RUBCNL: variants seen among roughly 807,000 people sequenced by gnomAD.
RUBCNL encodes the protein protein associated with UVRAG as autophagy enhancer.
In RUBCNL, 62 loss-of-function variants were observed where a neutral mutation model predicts 69.5. That is an observed-to-expected ratio of 0.89 (90% CI 0.73 to 1.10). The LOEUF is 1.10. RUBCNL is among the 50% of genes least tolerant of loss of function. The pLI, the probability that RUBCNL is intolerant of heterozygous loss-of-function variation, is 0.00. For missense variants in RUBCNL, 768 were observed against 798.1 expected (o/e 0.96, Z 0.45); for synonymous variants, 291 against 303.6 (o/e 0.96, Z 0.43).
intron 9 of RUBCNL, among the ~76,000 whole-genome samples, chr13:46,358,154 T>A (rs1405745629): frequency 1.3e-5 from 2 of 152,016 alleles, no homozygotes; most frequent in African/African-American, 4.8e-5. Flanking sequence ...AGACAGGGAG[T>A]TCTGCCCAAG....
upstream of RUBCNL, among the ~76,000 whole-genome samples, chr13:46,388,804 T>A (rs1450938235): frequency 6.6e-6 from 1 of 152,236 alleles, no homozygotes; most frequent in African/African-American, 2.4e-5. Flanking sequence ...ACTTGCCTGG[T>A]ACCTCTGGCA....
At chr13:46,360,438 A>G (rs1436718504) in intron 8 of RUBCNL, among the ~76,000 whole-genome samples, 2 of 152,222 alleles carry the variant, frequency 1.3e-5, no homozygotes, top group African/African-American at 4.8e-5. Context: ...TTATTTCCAT[A>G]AAGAACAACC....
chr13:46,343,786 C>T (rs2048185111), intron 14 of RUBCNL, among the ~76,000 whole-genome samples: 1 of 152,162 alleles, frequency 6.6e-6, no homozygotes, highest in African/African-American at 2.4e-5. Flanking sequence ...TCCCCAGCTG[C>T]CAAGAGAGGT....
chr13:46,373,604 CT>C (rs1479671859), intron 2 of RUBCNL, among the ~76,000 whole-genome samples: 2 of 152,322 alleles, frequency 1.3e-5, no homozygotes, highest in East Asian at 3.9e-4. Context: ...AAATGTTTTG[CT>C]TTTCTGTTCT....
intron 1 of RUBCNL, among the ~76,000 whole-genome samples, chr13:46,379,252 A>T (rs1263735195): frequency 2.0e-5 from 3 of 151,980 alleles, no homozygotes; most frequent in Non-Finnish European, 4.4e-5. Context: ...AATTTTTAGT[A>T]TTCTGTAGAG....
chr13:46,344,736 A>C lies in RUBCNL; in HGVS notation c.1876+5T>G. ...TTAAGCTTATGTTATTAAGTTATTA[A>C]ATACCTGAACATCTTCTACATGTTG... On this transcript the variant is annotated splice_donor_5th_base_variant and intron_variant, in intron 14 of 14. Transcript: ENST00000429979. 3 of 1,586,766 alleles carry C rather than the reference A, an allele frequency of 1.9e-6. No homozygotes were observed. The highest frequency in any genetic ancestry group is 2.6e-6 in the Non-Finnish European group (3 of 1,159,864).
intron 2 of RUBCNL, among the ~76,000 whole-genome samples, chr13:46,376,824 G>T (rs1014794707): frequency 4.6e-5 from 7 of 152,134 alleles, no homozygotes; most frequent in Non-Finnish European, 1.0e-4. Flanking sequence ...GGATCATACT[G>T]GAGATATTTT....
At chr13:46,376,340 A>T (rs2048994438) in intron 2 of RUBCNL, among the ~76,000 whole-genome samples, 1 of 152,142 alleles carries the variant, frequency 6.6e-6, no homozygotes, top group Non-Finnish European at 1.5e-5. Context: ...ATACCTTTGT[A>T]TATAACATAT....
rs1451953587 is a variant in RUBCNL at position 46,383,865 on chromosome 13, T to C, written c.-239+3269A>G. 2.0e-5 allele frequency among the ~76,000 whole-genome samples: 3 copies of C among 152,204 alleles called. No individual in the cohort carries two copies. The East Asian group carries it at 5.8e-4, about 29-fold the overall frequency. On this transcript the variant is annotated intron_variant, in intron 1 of 14. Transcript: ENST00000429979. Reference sequence around the variant, plus strand: ...TACTAAGACACATAGCCAGCCTACTTGAGGAGCTATTTTCAAATGACCAAG... The same window carrying C: ...TACTAAGACACATAGCCAGCCTACTCGAGGAGCTATTTTCAAATGACCAAG...
chr13:46,385,207 T>C (rs755331132), intron 1 of RUBCNL: 4 of 827,272 alleles, frequency 4.8e-6, no homozygotes, highest in Non-Finnish European at 5.8e-6. Context: ...ATCATTATTA[T>C]TGCAGAAAGA....
chr13:46,368,807 G>A lies in RUBCNL; in HGVS notation c.544C>T (p.Gln182Ter), dbSNP rs751110772. The change falls in exon 4 of 15, where the codon CAA becomes TAA. Residue 182 changes from glutamine to a stop codon, truncating the protein, a stop_gained. Coordinates refer to ENST00000429979, the MANE Select transcript of RUBCNL (RefSeq NM_025113.5). LOFTEE classifies it high-confidence loss of function. The stretch of plus-strand genomic sequence containing the variant: ...GAAGAAATGGTTCTTCTACTGACTT[G>A]AACAGCACCTGCCAATATAGCAAAT... The part of the protein sequence containing the change: ...LTSAADEGAV[Q>*]VSRRTISSNS... 5.6e-6 allele frequency: 9 copies of A among 1,612,634 alleles called. No individual in the cohort carries two copies. The highest frequency in any genetic ancestry group is 7.6e-6 in the Non-Finnish European group (9 of 1,179,230).
At position 46,337,782 on chromosome 13, in the gene RUBCNL, CA is replaced by C. The variant is rs1287180964; in HGVS notation, c.*5602del. On this transcript the variant is annotated 3_prime_UTR_variant, in exon 15 of 15. Transcript: ENST00000429979. ...CCCCACAAAAATCTCAGGAACTGAA[CA>C]AAATAAAGGTTTATTCTTGCTTGTA... Among the ~76,000 whole-genome samples the C allele has an allele frequency of 6.6e-6, 1 of 152,092 alleles. No homozygotes were observed. Among genetic ancestry groups the C allele is most frequent in the Non-Finnish European group, 1.5e-5 (1 of 68,016 alleles).
rs374444626 is a variant in RUBCNL at position 46,357,258 on chromosome 13, G to A, written c.1266-762C>T. 2.3e-3 allele frequency among the ~76,000 whole-genome samples: 348 copies of A among 151,028 alleles called. 3 individuals carry two copies. The highest frequency in any genetic ancestry group is 0.011 in the South Asian group (54 of 4,756). On this transcript the variant is annotated intron_variant, in intron 9 of 14. Coordinates refer to ENST00000429979, the MANE Select transcript of RUBCNL (RefSeq NM_025113.5). ...TGAGGCAGGAGAATGGCGTGAACCC[G>A]GGAGACGGAGCTTGCAGTGAGCCAA...
chr13:46,372,563 C>T lies in RUBCNL; in HGVS notation c.-88G>A. On this transcript the variant is annotated 5_prime_UTR_variant, in exon 3 of 15. The change abolishes the stop of an existing upstream ORF in the 5' untranslated region. Transcript: ENST00000429979. ...TACTACTTGATTTGGGCCCTGAACT[C>T]ACCACATGGCCAGCTGGGGGTCTGG... 6.7e-7 allele frequency: 1 copy of T among 1,490,126 alleles called. No individual in the cohort carries two copies. The highest frequency in any genetic ancestry group is 2.5e-5 in the East Asian group (1 of 40,322). 92.3% of individuals were successfully genotyped at this position (1,490,126 alleles called of 1,614,324 possible).
At chr13:46,368,330 G>T in intron 4 of RUBCNL, 81 bp from the exon 5 acceptor site, 1 of 1,462,054 alleles carries the variant, frequency 6.8e-7, no homozygotes, top group Non-Finnish European at 9.2e-7. Context: ...AAATCAATAT[G>T]CTCTATTTAA....
Position 46,372,613 on chromosome 13 carries a change from A to C in RUBCNL, c.-122-16T>G, listed in dbSNP as rs1413598236. 3 of 1,431,514 alleles carry C rather than the reference A, an allele frequency of 2.1e-6. No individual in the cohort carries two copies. Among genetic ancestry groups the C allele is most frequent in the East Asian group, 2.5e-5 (1 of 39,924 alleles). 88.7% of individuals were successfully genotyped at this position (1,431,514 alleles called of 1,614,324 possible). A position where few individuals can be genotyped will look rare whatever the true frequency, so the allele number is the denominator to read the frequency against. On this transcript the variant is annotated splice_polypyrimidine_tract_variant and intron_variant, in intron 2 of 14. Transcript: ENST00000429979. ...GAGAGCTATTCTGCAATGAGCAAGG[A>C]ATCATTCAAAATAAGTAAGAATTCA...
chr13:46,388,814 A>G (rs974123868), upstream of RUBCNL, among the ~76,000 whole-genome samples: 1 of 152,220 alleles, frequency 6.6e-6, no homozygotes, highest in African/African-American at 2.4e-5. Context: ...TACCTCTGGC[A>G]TGGAGTGGCT....
chr13:46,369,878 T>C (rs2048840418), intron 3 of RUBCNL, among the ~76,000 whole-genome samples: 1 of 152,216 alleles, frequency 6.6e-6, no homozygotes, highest in South Asian at 2.1e-4. Flanking sequence ...AAAGTAGTTG[T>C]TGCATGGAAA....
intron 1 of RUBCNL, among the ~76,000 whole-genome samples, chr13:46,379,966 C>G (rs2049083064): frequency 6.6e-6 from 1 of 152,216 alleles, no homozygotes; most frequent in Non-Finnish European, 1.5e-5. Flanking sequence ...GCTTCCAAAA[C>G]AGTGTCCAGG....
Sources: allele counts gnomAD v4.1 joint callset (sites outside exome capture counted in the v4.1 genomes callset), GRCh38; gene constraint gnomAD v4.1.1; transcripts MANE v1.5; gene names NCBI Gene and HGNC (gene_info 2026-07-23, HGNC 2026-07-21).